The following CFH variants were observed in gnomAD, a reference collection of about 807,000 sequenced individuals.
CFH encodes the protein complement factor H, also known as H factor 1 (complement).
In CFH, 53 loss-of-function variants were observed where a neutral mutation model predicts 147.3. That is an observed-to-expected ratio of 0.36 (90% CI 0.29 to 0.45). The LOEUF (loss-of-function observed/expected upper bound fraction) is 0.45, where lower values mean the gene tolerates loss of function less well. Ranked by LOEUF, CFH falls within the 20% of genes least tolerant of loss-of-function variation. CFH has a pLI of 1.00. For missense variants in CFH, 1,380 were observed against 1,498.0 expected (o/e 0.92, Z 1.30); for synonymous variants, 536 against 489.4 (o/e 1.10, Z -1.26).
At position 196,726,531 on chromosome 1, in the gene CFH, G is replaced by A. The variant is rs56035657; in HGVS notation, c.1935G>A (p.Thr645=). ...TCAATGGGAATGTTAAGGAAAAAAC[G>A]AAAGAAGAATATGGACACAGTGAAG... ...ELLNGNVKEK[T]KEEYGHSEVV... is the part of the protein sequence containing the mutation. Residue 645 remains threonine (T), a synonymous_variant, in exon 13 of 22, where the codon ACG becomes ACA. Transcript: ENST00000367429. 2.4e-5 allele frequency: 38 copies of A among 1,612,868 alleles called. No individual in the cohort carries two copies. Among genetic ancestry groups the A allele is most frequent in the Admixed American group, 5.0e-5 (3 of 59,958 alleles).
chr1:196,719,922 T>C (rs959128836), intron 11 of CFH, among the ~76,000 whole-genome samples: 6 of 151,800 alleles, frequency 4.0e-5, no homozygotes, highest in Admixed American at 2.0e-4. Flanking sequence ...ATGTGTTTTT[T>C]ATATTTTTTT....
intron 11 of CFH, among the ~76,000 whole-genome samples, chr1:196,720,341 T>C (rs1397320255): frequency 6.6e-6 from 1 of 152,006 alleles, no homozygotes; most frequent in Non-Finnish European, 1.5e-5. Flanking sequence ...ATGGATATAT[T>C]GCATAGTGGT....
rs552986901 is a variant in CFH, at chr1:196,727,416, A to T, written c.2236+476A>T. Among the ~76,000 whole-genome samples the T allele has an allele frequency of 3.9e-5, 6 of 152,220 alleles. No individual in the cohort carries two copies. The South Asian group carries it at 6.2e-4, about 16-fold the overall frequency. The stretch of plus-strand genomic sequence containing the variant: ...CTACTTGGGAGGCTGAGGAGGAATG[A>T]TTGCTTAAGGCCAGGAATTCGAGAT... On this transcript the variant is annotated intron_variant, in intron 14 of 21. Transcript: ENST00000367429.
chr1:196,715,315 T>A (rs921674251), intron 10 of CFH, among the ~76,000 whole-genome samples: 2 of 152,094 alleles, frequency 1.3e-5, no homozygotes, highest in African/African-American at 2.4e-5. Flanking sequence ...ATTACTAGCA[T>A]TGTCATAAAT....
At chr1:196,725,098 G>T (rs1238897619) in intron 11 of CFH, 23 bp from the exon 12 acceptor site, 1 of 1,592,162 alleles carries the variant, frequency 6.3e-7, no homozygotes, top group Non-Finnish European at 8.6e-7. Context: ...ATATTCTCAT[G>T]AAATTATTTT....
intron 2 of CFH, chr1:196,673,541 C>T: frequency 2.6e-6 from 1 of 379,178 alleles, no homozygotes. Flanking sequence ...TTCACCAATG[C>T]TGGGCAGGCT....
intron 11 of CFH, among the ~76,000 whole-genome samples, chr1:196,716,790 G>A (rs923340627): frequency 1.3e-5 from 2 of 152,060 alleles, no homozygotes; most frequent in African/African-American, 4.8e-5. Context: ...TTGTAAAATG[G>A]TACTGACTGG....
chr1:196,701,387 C>T, intron 9 of CFH: 1 of 1,613,078 alleles, frequency 6.2e-7, no homozygotes, highest in South Asian at 1.1e-5. Flanking sequence ...ATGACAAGGG[C>T]CAATGGAACC....
intron 1 of CFH, among the ~76,000 whole-genome samples, chr1:196,658,792 A>G (rs1666806439): frequency 6.6e-6 from 1 of 150,406 alleles, no homozygotes; most frequent in African/African-American, 2.5e-5. Context: ...CTGGTCTTGA[A>G]CTCCTGGGGT....
rs1436804999 is a variant in CFH at position 196,726,795 on chromosome 1, T to A, written c.2091T>A (p.Leu697=). The change falls in exon 14 of 22, where the codon CTT becomes CTA. Residue 697 remains leucine (L), a synonymous_variant. Coordinates refer to ENST00000367429, the MANE Select transcript of CFH (RefSeq NM_000186.4). ...EESTCGDIPE[L]EHGWAQLSSP... The stretch of plus-strand genomic sequence containing the variant: ...GTACCTGTGGAGATATACCTGAACT[T>A]GAACATGGCTGGGCCCAGCTTTCTT... The A allele has an allele frequency of 3.7e-6, 6 of 1,613,914 alleles. No homozygotes were observed. The highest frequency in any genetic ancestry group is 3.4e-6 in the Non-Finnish European group (4 of 1,179,858).
At chr1:196,666,071 A>G (rs1667075281) in intron 1 of CFH, among the ~76,000 whole-genome samples, 2 of 152,228 alleles carry the variant, frequency 1.3e-5, no homozygotes, top group African/African-American at 4.8e-5. Context: ...TGGAGATTTC[A>G]GGCACTGAAA....
At chr1:196,713,601 T>G in intron 9 of CFH, 134 bp from the exon 10 acceptor site, 1 of 602,444 alleles carries the variant, frequency 1.7e-6, no homozygotes, top group Non-Finnish European at 2.9e-6. Flanking sequence ...TTGACTTAAG[T>G]ATTTGAATGC....
chr1:196,687,465 A>G (rs1446497945), intron 7 of CFH, among the ~76,000 whole-genome samples: 1 of 152,008 alleles, frequency 6.6e-6, no homozygotes, highest in African/African-American at 2.4e-5. Flanking sequence ...CCTCCTTTTT[A>G]TTCCTTTTGG....
chr1:196,741,117 C>T (rs1385162522), intron 18 of CFH: 2 of 313,304 alleles, frequency 6.4e-6, no homozygotes, highest in East Asian at 1.4e-4. Flanking sequence ...CAACAATCTG[C>T]CTATAAGTAC....
At chr1:196,678,465 C>T (rs1667533101) in intron 5 of CFH, 1 of 151,796 alleles carries the variant, frequency 6.6e-6, no homozygotes, top group African/African-American at 2.4e-5. Context: ...TCTAAAATAT[C>T]TAAATTATTT....
intron 11 of CFH, among the ~76,000 whole-genome samples, chr1:196,717,241 A>C (rs1250417766): frequency 6.6e-6 from 1 of 152,110 alleles, no homozygotes; most frequent in African/African-American, 2.4e-5. Context: ...CCAACACAGC[A>C]AGTCTATTTG....
At chr1:196,685,341 T>C (rs1449236775) in intron 7 of CFH, 104 bp downstream of exon 7, 1 of 1,195,180 alleles carries the variant, frequency 8.4e-7, no homozygotes, top group Non-Finnish European at 1.2e-6. Flanking sequence ...TTATTGTATA[T>C]ACAAAGTAAG....
At chr1:196,731,224 T>C (rs1669273839) in intron 15 of CFH, among the ~76,000 whole-genome samples, 2 of 151,898 alleles carry the variant, frequency 1.3e-5, no homozygotes, top group African/African-American at 4.8e-5. Flanking sequence ...TTTTAATCTT[T>C]TGTGTATCTA....
At chr1:196,694,512 A>G (rs1489875003) in intron 9 of CFH, among the ~76,000 whole-genome samples, 1 of 152,190 alleles carries the variant, frequency 6.6e-6, no homozygotes, top group East Asian at 1.9e-4. Flanking sequence ...TCCTTTGGGT[A>G]TATACCCAGT....
Sources: gnomAD v4.1 joint callset for allele counts (sites outside exome capture counted in the v4.1 genomes callset) on GRCh38, gnomAD v4.1.1 for gene constraint, MANE v1.5 for transcripts, NCBI Gene and HGNC (gene_info 2026-07-23, HGNC 2026-07-21) for gene names.